The following CRK variants were observed in gnomAD, a reference collection of about 807,000 sequenced individuals.
CRK encodes adapter molecule crk.
Under a neutral mutation model 29.8 loss-of-function variants are expected in CRK, and 4 were observed. The observed-to-expected ratio is 0.13, with a 90% CI of 0.07 to 0.31. The LOEUF is 0.31. Among genes scored for constraint, CRK ranks in the 10% least tolerant of loss-of-function variants. The probability of loss-of-function intolerance (pLI) is 1.00; values close to 1 mark genes in which losing one functional copy is unlikely to be tolerated. For missense variants in CRK, 274 were observed against 396.5 expected, an observed-to-expected ratio of 0.69 and a Z score of 2.62; for synonymous variants, 153 against 164.9, an observed-to-expected ratio of 0.93 and a Z score of 0.55.
rs778793991 is a variant in CRK, at chr17:1,427,072, A to AAG, written c.778-3423_778-3422insCT. On this transcript the variant is annotated intron_variant, in intron 2 of 2. Transcript: ENST00000300574. Reference sequence around the variant, plus strand: ...AAAAAAAAAAAAAAAAAAAAAAAAAAGATTCTGACATGCCCCAGCCAGGCT... The same window carrying AAG: ...AAAAAAAAAAAAAAAAAAAAAAAAAAAGGATTCTGACATGCCCCAGCCAGGCT... Among the ~76,000 whole-genome samples the AAG allele has an allele frequency of 6.2e-4, 57 of 92,072 alleles. 15 individuals carry two copies. The highest frequency in any genetic ancestry group is 1.1e-3 in the Non-Finnish European group (52 of 47,910). 60.4% of individuals were successfully genotyped at this position (92,072 alleles called of 152,430 possible).
chr17:1,441,807 T>G (rs1383599724), intron 1 of CRK, among the ~76,000 whole-genome samples: 2 of 151,952 alleles, frequency 1.3e-5, no homozygotes, highest in African/African-American at 4.8e-5. Context: ...CAGCTGATTT[T>G]GAAATTTTTT....
intron 1 of CRK, 102 bp from the exon 2 acceptor site, chr17:1,437,257 AC>A (rs2073893914): frequency 7.6e-7 from 1 of 1,317,428 alleles, no homozygotes; most frequent in Non-Finnish European, 1.0e-6. Context: ...TCACTATGTT[AC>A]CCAGGCTGGT....
intron 1 of CRK, among the ~76,000 whole-genome samples, chr17:1,451,650 G>T (rs2074019311): frequency 6.6e-6 from 1 of 152,050 alleles, no homozygotes; most frequent in African/African-American, 2.4e-5. Context: ...CCAAAGTTAA[G>T]GGCTGTAGTG....
chr17:1,455,965 G>A lies in CRK; in HGVS notation c.153C>T (p.Val51=), dbSNP rs2074053946. The change falls in exon 1 of 3, where the codon GTC becomes GTT. Residue 51 remains valine (V), a synonymous_variant. Transcript: ENST00000300574. ...STSPGDYVLS[V]SENSRVSHYI... ...AGTGGGAGACGCGCGAGTTCTCTGA[G>A]ACGCTGAGCACATAGTCCCCGGGGC... 5 of 1,602,868 alleles carry A rather than the reference G, an allele frequency of 3.1e-6. No homozygotes were observed. The highest frequency in any genetic ancestry group is 2.3e-5 in the East Asian group (1 of 43,576).
intron 1 of CRK, among the ~76,000 whole-genome samples, chr17:1,438,422 G>A (rs905271875): frequency 1.3e-5 from 2 of 152,090 alleles, no homozygotes; most frequent in Non-Finnish European, 2.9e-5. Flanking sequence ...GAGCCACAGT[G>A]CCTGGCCTCT....
At chr17:1,437,654 G>T (rs1168477899) in intron 1 of CRK, among the ~76,000 whole-genome samples, 1 of 151,148 alleles carries the variant, frequency 6.6e-6, no homozygotes, top group Admixed American at 6.6e-5. Flanking sequence ...AGGTTCTGTT[G>T]CATGTTTTTT....
At position 1,448,552 on chromosome 17, in the gene CRK, G is replaced by A. The variant is rs543780307; in HGVS notation, c.241+7325C>T. 6.1e-5 allele frequency among the ~76,000 whole-genome samples: 9 copies of A among 146,690 alleles called. No individual in the cohort carries two copies. The East Asian group carries it at 1.6e-3, about 27-fold the overall frequency. Reference sequence around the variant, plus strand: ...GCAGGAGAACTGCCTGAACCTGGGAGGCAGAGCTTGCAGTGAGCCGAGAAT... The same window carrying A: ...GCAGGAGAACTGCCTGAACCTGGGAAGCAGAGCTTGCAGTGAGCCGAGAAT... On this transcript the variant is annotated intron_variant, in intron 1 of 2. Transcript: ENST00000300574.
rs2073746145 is a variant in CRK, at chr17:1,423,353, G to A, written c.*160C>T. 5 of 886,090 alleles carry A rather than the reference G, an allele frequency of 5.6e-6. No homozygotes were observed. The highest frequency in any genetic ancestry group is 6.1e-4 in the Middle Eastern group (2 of 3,294). 54.9% of individuals were successfully genotyped at this position (886,090 alleles called of 1,614,324 possible). A position where few individuals can be genotyped will look rare whatever the true frequency, so the allele number is the denominator to read the frequency against. On this transcript the variant is annotated 3_prime_UTR_variant, in exon 3 of 3. Transcript: ENST00000300574. ...TTCGTACCCTGAATATGGTAATTAA[G>A]ACTAGGAATGGAGCAGTTCAGTCTA...
At chr17:1,449,281 C>T (rs138679265) in intron 1 of CRK, among the ~76,000 whole-genome samples, 39 of 152,288 alleles carry the variant, frequency 2.6e-4, no homozygotes, top group African/African-American at 9.1e-4. Context: ...CAGGCACCTA[C>T]TCCCCAAGAC....
chr17:1,429,582 G>C (rs2073817263), intron 2 of CRK, among the ~76,000 whole-genome samples: 1 of 151,668 alleles, frequency 6.6e-6, no homozygotes, highest in South Asian at 2.1e-4. Context: ...CTGAGCCCAG[G>C]AGTTTGAGGC....
chr17:1,452,066 C>T (rs951748886), intron 1 of CRK, among the ~76,000 whole-genome samples: 2 of 152,150 alleles, frequency 1.3e-5, no homozygotes, highest in African/African-American at 2.4e-5. Flanking sequence ...GGATACGGAC[C>T]TCTATGTGCA....
At position 1,422,907 on chromosome 17, in the gene CRK, C is replaced by A. The variant is rs192161161; in HGVS notation, c.*606G>T. 8 of 398,896 alleles carry A rather than the reference C, an allele frequency of 2.0e-5. No homozygotes were observed. The allele number at this position is 398,896 out of a possible 1,614,324, so 24.7% of individuals were successfully genotyped here. ...TTACAGGTTTGGGGGACAAGAATGT[C>A]AAGGGCTAAAAGAATCCCAAGAAAA... On this transcript the variant is annotated 3_prime_UTR_variant, in exon 3 of 3. Transcript: ENST00000300574.
chr17:1,443,345 T>C (rs1160375364), intron 1 of CRK, among the ~76,000 whole-genome samples: 3 of 151,916 alleles, frequency 2.0e-5, no homozygotes, highest in Non-Finnish European at 4.4e-5. Flanking sequence ...GCTGGGACTA[T>C]AGGCACAAGC....
At chr17:1,440,116 G>A (rs1465078225) in intron 1 of CRK, among the ~76,000 whole-genome samples, 3 of 151,410 alleles carry the variant, frequency 2.0e-5, no homozygotes, top group Non-Finnish European at 2.9e-5. Flanking sequence ...TGGCTAACAC[G>A]GTGAAACCCC....
At position 1,421,699 on chromosome 17, in the gene CRK, CACTG is replaced by C. The variant is rs775752892; in HGVS notation, c.*1810_*1813del. ...TCATTCACTCAGACAAATACGTGCA[CACTG>C]ACTGTGTGTCAGACAGTGTGCCGGT... On this transcript the variant is annotated 3_prime_UTR_variant, in exon 3 of 3. Transcript: ENST00000300574. 1.3e-5 allele frequency: 2 copies of C among 152,194 alleles called. No homozygotes were observed. Among genetic ancestry groups the C allele is most frequent in the African/African-American group, 2.4e-5 (1 of 41,440 alleles). 9.4% of individuals were successfully genotyped at this position (152,194 alleles called of 1,614,324 possible).
chr17:1,431,198 C>A (rs2073842116), intron 2 of CRK, among the ~76,000 whole-genome samples: 1 of 152,182 alleles, frequency 6.6e-6, no homozygotes, highest in African/African-American at 2.4e-5. Flanking sequence ...GAGACCAGGT[C>A]TTCCTGTGGT....
At chr17:1,455,778 C>A in intron 1 of CRK, 99 bp downstream of exon 1, 1 of 1,370,194 alleles carries the variant, frequency 7.3e-7, no homozygotes. Flanking sequence ...GCCCTCTGCC[C>A]ACGACCCCCG....
intron 2 of CRK, among the ~76,000 whole-genome samples, chr17:1,433,502 C>T (rs1010889107): frequency 1.6e-4 from 24 of 146,220 alleles, no homozygotes; most frequent in Admixed American, 1.6e-3. Context: ...CACACCACCA[C>T]GCCTGGCTTT....
At chr17:1,431,293 G>C (rs896797347) in intron 2 of CRK, among the ~76,000 whole-genome samples, 1 of 152,162 alleles carries the variant, frequency 6.6e-6, no homozygotes, top group Non-Finnish European at 1.5e-5. Context: ...GAAGAAGGCC[G>C]GAGGGGGTGG....
Sources: allele counts gnomAD v4.1 joint callset (sites outside exome capture counted in the v4.1 genomes callset), GRCh38; gene constraint gnomAD v4.1.1; transcripts MANE v1.5; gene names NCBI Gene and HGNC (gene_info 2026-07-23, HGNC 2026-07-21).